Variants in CLYBL observed in about 807,000 individuals in gnomAD.
The protein encoded by CLYBL is citramalyl-CoA lyase, mitochondrial.
In CLYBL, 31 loss-of-function variants were observed where a neutral mutation model predicts 38.9. That is an observed-to-expected ratio of 0.80 (90% CI 0.60 to 1.08). CLYBL has a LOEUF of 1.08. Among genes scored for constraint, CLYBL ranks in the 50% least tolerant of loss-of-function variants. The probability of loss-of-function intolerance (pLI) is 0.00; values close to 1 mark genes in which losing one functional copy is unlikely to be tolerated. For synonymous variants in CLYBL, 171 were observed against 158.6 expected (o/e 1.08, Z -0.59); for missense variants, 434 against 411.6 (o/e 1.05, Z -0.47).
intron 1 of CLYBL, 89 bp from the exon 2 acceptor site, chr13:99,772,735 A>T: frequency 9.3e-7 from 1 of 1,075,638 alleles, no homozygotes; most frequent in Non-Finnish European, 1.3e-6. Context: ...CATGTGTTCT[A>T]TTTTAATTTT....
intron 7 of CLYBL, among the ~76,000 whole-genome samples, chr13:99,889,408 C>T (rs900742761): frequency 6.6e-6 from 1 of 152,166 alleles, no homozygotes; most frequent in Non-Finnish European, 1.5e-5. Context: ...CGGATTTCCA[C>T]GTAACGCCAA....
At chr13:99,803,477 T>G (rs1253081166) in intron 2 of CLYBL, among the ~76,000 whole-genome samples, 2 of 152,256 alleles carry the variant, frequency 1.3e-5, no homozygotes, top group Non-Finnish European at 2.9e-5. Flanking sequence ...TCCAGCCCAA[T>G]GTATCCTAAC....
intron 1 of CLYBL, among the ~76,000 whole-genome samples, chr13:99,721,547 A>T (rs969977872): frequency 2.0e-5 from 3 of 151,822 alleles, no homozygotes; most frequent in Admixed American, 6.6e-5. Context: ...TAACATATGT[A>T]TGCATATGCC....
chr13:99,720,931 T>C (rs1365789209), intron 1 of CLYBL, among the ~76,000 whole-genome samples: 1 of 152,202 alleles, frequency 6.6e-6, no homozygotes, highest in African/African-American at 2.4e-5. Context: ...CTCATTAGCA[T>C]TTGTTGTAAG....
chr13:99,882,768 G>A (rs936752691), intron 7 of CLYBL, among the ~76,000 whole-genome samples: 1 of 152,124 alleles, frequency 6.6e-6, no homozygotes, highest in African/African-American at 2.4e-5. Flanking sequence ...CCAATTTTCA[G>A]TTTGGAAACT....
At chr13:99,803,958 C>T (rs966380757) in intron 2 of CLYBL, among the ~76,000 whole-genome samples, 8 of 152,024 alleles carry the variant, frequency 5.3e-5, no homozygotes, top group East Asian at 1.9e-4. Flanking sequence ...GTCTCGTAGC[C>T]ATGAACTAGA....
downstream of CLYBL, chr13:99,893,750 C>G (rs1458662065): frequency 6.6e-6 from 1 of 152,376 alleles, no homozygotes; most frequent in East Asian, 1.9e-4. Context: ...AGCCAAGGAG[C>G]CCTACAGACC....
intron 1 of CLYBL, among the ~76,000 whole-genome samples, chr13:99,652,854 C>CA (rs2047275665): frequency 6.6e-6 from 1 of 152,206 alleles, no homozygotes; most frequent in African/African-American, 2.4e-5. Flanking sequence ...CAAATCAAAA[C>CA]AATGGATGCC....
chr13:99,820,434 C>T (rs1055519530), intron 2 of CLYBL, among the ~76,000 whole-genome samples: 1 of 152,174 alleles, frequency 6.6e-6, no homozygotes, highest in African/African-American at 2.4e-5. Context: ...GCCCAGCAAT[C>T]AATGGACTGC....
chr13:99,662,510 C>CTTTTT (rs34634591), intron 1 of CLYBL, among the ~76,000 whole-genome samples: 6 of 122,378 alleles, frequency 4.9e-5, no homozygotes, highest in Non-Finnish European at 1.0e-4. Flanking sequence ...ATCTTTAAAA[C>CTTTTT]TTTTTTTTTT....
intron 7 of CLYBL, among the ~76,000 whole-genome samples, chr13:99,879,622 C>T (rs1183350760): frequency 6.6e-6 from 1 of 152,214 alleles, no homozygotes; most frequent in East Asian, 1.9e-4. Flanking sequence ...CTTAAGGAGA[C>T]AACTAAATCT....
At chr13:99,841,996 T>G (rs921434892) in intron 2 of CLYBL, among the ~76,000 whole-genome samples, 3 of 151,842 alleles carry the variant, frequency 2.0e-5, no homozygotes, top group Non-Finnish European at 2.9e-5. Flanking sequence ...TTTTATATTT[T>G]CAATAGAGAC....
chr13:99,882,554 G>A (rs1025071497), intron 7 of CLYBL, among the ~76,000 whole-genome samples: 2 of 152,062 alleles, frequency 1.3e-5, no homozygotes, highest in Non-Finnish European at 2.9e-5. Flanking sequence ...TAGTCAGCTA[G>A]TGGGGAGGCT....
At chr13:99,780,010 A>T (rs2049607210) in intron 2 of CLYBL, among the ~76,000 whole-genome samples, 5 of 152,134 alleles carry the variant, frequency 3.3e-5, no homozygotes, top group Admixed American at 3.3e-4. Context: ...CAAGCCTGTT[A>T]ATTATGTTAT....
chr13:99,626,487 G>A (rs1441230405), intron 1 of CLYBL, among the ~76,000 whole-genome samples: 1 of 152,248 alleles, frequency 6.6e-6, no homozygotes, highest in African/African-American at 2.4e-5. Flanking sequence ...CCTGGCCTAA[G>A]TGTTAGTCCC....
intron 1 of CLYBL, among the ~76,000 whole-genome samples, chr13:99,725,775 C>T (rs2806276): frequency 0.059 from 8,994 of 152,208 alleles, 371 homozygotes; most frequent in Middle Eastern, 0.11. Context: ...TGGACTGGAA[C>T]GGCTCCCGGG....
chr13:99,682,786 G>C (rs1239170727), intron 1 of CLYBL, among the ~76,000 whole-genome samples: 1 of 151,980 alleles, frequency 6.6e-6, no homozygotes, highest in Admixed American at 6.5e-5. Flanking sequence ...ACCCAGGCTG[G>C]AGTACAGTGG....
At chr13:99,689,039 C>T (rs1476844441) in intron 1 of CLYBL, among the ~76,000 whole-genome samples, 1 of 152,088 alleles carries the variant, frequency 6.6e-6, no homozygotes, top group Non-Finnish European at 1.5e-5. Flanking sequence ...TCAATAAAAC[C>T]GGCCTCACAC....
At position 99,882,570 on chromosome 13, in the gene CLYBL, G is replaced by A. The variant is rs550060307; in HGVS notation, c.928-8748G>A. 2.2e-3 allele frequency among the ~76,000 whole-genome samples: 331 copies of A among 152,108 alleles called. 2 individuals carry two copies. The highest frequency in any genetic ancestry group is 2.2e-3 in the Non-Finnish European group (152 of 67,988). ...AGTCAGCTAGTGGGGAGGCTGAGGT[G>A]GGAGGACCACCTGAGCCCGGGAAGT... On this transcript the variant is annotated intron_variant, in intron 7 of 8. Coordinates refer to ENST00000339105, the MANE Select transcript of CLYBL (RefSeq NM_206808.5).
Sources: allele counts gnomAD v4.1 joint callset (sites outside exome capture counted in the v4.1 genomes callset), GRCh38; gene constraint gnomAD v4.1.1; transcripts MANE v1.5; gene names NCBI Gene and HGNC (gene_info 2026-07-23, HGNC 2026-07-21).